The following NALF1 variants were observed in gnomAD, a reference collection of about 807,000 sequenced individuals.
The protein encoded by NALF1 is family with sequence similarity 155 member A.
Under a neutral mutation model 48.4 loss-of-function variants are expected in NALF1, and 3 were observed. The ratio of observed to expected loss-of-function variants is 0.06; its 90% CI spans 0.03 to 0.16. The LOEUF (loss-of-function observed/expected upper bound fraction) is 0.16. NALF1 is among the 10% of genes least tolerant of loss of function. The pLI is 1.00. For synonymous variants in NALF1, 262 were observed against 245.7 expected (o/e 1.07, Z -0.62); for missense variants, 526 against 571.5 (o/e 0.92, Z 0.81).
intron 1 of NALF1, among the ~76,000 whole-genome samples, chr13:107,508,300 C>A (rs575040149): frequency 2.4e-4 from 36 of 151,436 alleles, no homozygotes; most frequent in Non-Finnish European, 4.1e-4. Flanking sequence ...ATCTAAGGAA[C>A]TTATTAATAT....
At chr13:107,766,075 C>A (rs1277781090) in intron 1 of NALF1, among the ~76,000 whole-genome samples, 1 of 152,088 alleles carries the variant, frequency 6.6e-6, no homozygotes, top group African/African-American at 2.4e-5. Context: ...TCGAAGGCAA[C>A]CACTGTTTAC....
At chr13:107,852,245 CAT>C (rs934938652) in intron 1 of NALF1, among the ~76,000 whole-genome samples, 1 of 151,974 alleles carries the variant, frequency 6.6e-6, no homozygotes, top group African/African-American at 2.4e-5. Flanking sequence ...TTTCCATGTC[CAT>C]ATATGAGTCA....
At chr13:107,241,241 C>G (rs1438971752) in intron 1 of NALF1, among the ~76,000 whole-genome samples, 1 of 151,894 alleles carries the variant, frequency 6.6e-6, no homozygotes, top group Non-Finnish European at 1.5e-5. Context: ...GCACACACTT[C>G]CAGCATAGCC....
At chr13:107,451,181 G>A (rs865962044) in intron 1 of NALF1, among the ~76,000 whole-genome samples, 4 of 152,222 alleles carry the variant, frequency 2.6e-5, no homozygotes, top group Middle Eastern at 3.4e-3. Context: ...CTGCCAGCGC[G>A]GCCACAAGCG....
At chr13:107,770,315 G>C (rs1002772512) in intron 1 of NALF1, among the ~76,000 whole-genome samples, 7 of 152,090 alleles carry the variant, frequency 4.6e-5, no homozygotes, top group Non-Finnish European at 1.0e-4. Flanking sequence ...AAAATTCAGA[G>C]GTAGTTGTTT....
intron 1 of NALF1, among the ~76,000 whole-genome samples, chr13:107,437,912 A>G (rs7986988): frequency 1.3e-5 from 2 of 152,322 alleles, no homozygotes; most frequent in East Asian, 3.9e-4. Flanking sequence ...TGAAGCATTT[A>G]TTGGTGAAGT....
At chr13:107,430,070 A>AT (rs1357332804) in intron 1 of NALF1, among the ~76,000 whole-genome samples, 1 of 152,212 alleles carries the variant, frequency 6.6e-6, no homozygotes, top group African/African-American at 2.4e-5. Flanking sequence ...AGAGATATCC[A>AT]TTTCTGCAGA....
Position 107,170,488 on chromosome 13 carries a change from G to T in NALF1, c.*9C>A. The T allele has an allele frequency of 6.3e-7, 1 of 1,582,394 alleles. No individual in the cohort carries two copies. The highest frequency in any genetic ancestry group is 1.1e-5 in the South Asian group (1 of 90,012). On this transcript the variant is annotated 3_prime_UTR_variant, in exon 3 of 3. Coordinates refer to ENST00000375915, the MANE Select transcript of NALF1 (RefSeq NM_001080396.3). ...GCCAGCTGCTGCTGTGGTGACACTC[G>T]TCCTTCCGTTACTCCTCATTGGTTG... is the stretch of plus-strand genomic sequence containing the variant.
At chr13:107,450,380 G>A (rs546088234) in intron 1 of NALF1, among the ~76,000 whole-genome samples, 1 of 152,282 alleles carries the variant, frequency 6.6e-6, no homozygotes, top group East Asian at 1.9e-4. Flanking sequence ...GCATGGGAGG[G>A]AGTGGTCAGG....
rs28617747 is a variant in NALF1 at position 107,606,361 on chromosome 13, T to C, written c.915+259321A>G. Among the ~76,000 whole-genome samples, 3,074 of 151,482 alleles carry C rather than the reference T, an allele frequency of 0.02. 214 individuals carry two copies. The East Asian group carries it at 0.26, about 13-fold the overall frequency. On this transcript the variant is annotated intron_variant, in intron 1 of 2. Transcript: ENST00000375915. ...ATATACACACATATGTATATCTTAT[T>C]TATTTATATATATATATATTTTGAG...
intron 1 of NALF1, among the ~76,000 whole-genome samples, chr13:107,708,233 A>G (rs964639261): frequency 2.0e-5 from 3 of 152,218 alleles, no homozygotes; most frequent in African/African-American, 7.2e-5. Flanking sequence ...CAAGGCAAGA[A>G]GAATGATCCT....
Position 107,624,125 on chromosome 13 carries a change from TC to T in NALF1, c.915+241556del, listed in dbSNP as rs529605505. On this transcript the variant is annotated intron_variant, in intron 1 of 2. Transcript: ENST00000375915. ...AATAACTATGATAGAGGAAAAATCA[TC>T]CTCATTTTACAAACAAGACAACTGA... Among the ~76,000 whole-genome samples, 59 of 152,246 alleles carry T rather than the reference TC, an allele frequency of 3.9e-4. No individual in the cohort carries two copies. In the South Asian group the frequency reaches 6.8e-3, roughly 18 times the overall value.
chr13:107,298,918 A>G (rs945847172), intron 1 of NALF1, among the ~76,000 whole-genome samples: 2 of 152,088 alleles, frequency 1.3e-5, no homozygotes, highest in African/African-American at 4.8e-5. Context: ...TAAATCTGAG[A>G]GTCTCTCCAA....
At chr13:107,434,995 AAC>A in intron 1 of NALF1, among the ~76,000 whole-genome samples, 1 of 152,256 alleles carries the variant, frequency 6.6e-6, no homozygotes, top group East Asian at 1.9e-4. Flanking sequence ...TTCACCAAAT[AAC>A]AGGTGGATTT....
chr13:107,460,016 A>C (rs1359046217), intron 1 of NALF1, among the ~76,000 whole-genome samples: 1 of 152,214 alleles, frequency 6.6e-6, no homozygotes, highest in Non-Finnish European at 1.5e-5. Flanking sequence ...TGCTGGGATT[A>C]TAGGCATGAG....
chr13:107,796,307 A>G (rs1427360475), intron 1 of NALF1, among the ~76,000 whole-genome samples: 1 of 152,176 alleles, frequency 6.6e-6, no homozygotes, highest in Non-Finnish European at 1.5e-5. Flanking sequence ...GTCAACATTT[A>G]TCTTTTATTT....
rs200273285 is a variant in NALF1, at chr13:107,459,391, A to G, written c.916-248636T>C. Among the ~76,000 whole-genome samples the G allele has an allele frequency of 2.5e-4, 31 of 125,606 alleles. No homozygotes were observed. In the East Asian group the frequency reaches 5.2e-3, roughly 21 times the overall value. The allele number at this position is 125,606 out of a possible 152,430, so 82.4% of individuals were successfully genotyped here. On this transcript the variant is annotated intron_variant, in intron 1 of 2. Transcript: ENST00000375915. ...TAAAAGCTTTTAAGGTAAAACATAC[A>G]AATATATATATATATAAGGCCTGTT...
chr13:107,677,273 T>C (rs1881156638), intron 1 of NALF1, among the ~76,000 whole-genome samples: 1 of 152,206 alleles, frequency 6.6e-6, no homozygotes, highest in Admixed American at 6.5e-5. Flanking sequence ...CCCGAACTCC[T>C]TACCTCAAGT....
In NALF1 at chr13:107,616,736, G is replaced by A. The variant is rs534857621; in HGVS notation, c.915+248946C>T. On this transcript the variant is annotated intron_variant, in intron 1 of 2. Transcript: ENST00000375915. ...CTTTGAGGTCATCCGAATATTGATA[G>A]AAGTAAAAGGACAAGTCAGTCCCCA... 5.3e-5 allele frequency among the ~76,000 whole-genome samples: 8 copies of A among 152,260 alleles called. No homozygotes were observed. The South Asian group carries it at 1.0e-3, about 20-fold the overall frequency.
Sources: allele counts gnomAD v4.1 joint callset (sites outside exome capture counted in the v4.1 genomes callset), GRCh38; gene constraint gnomAD v4.1.1; transcripts MANE v1.5; gene names NCBI Gene and HGNC (gene_info 2026-07-23, HGNC 2026-07-21).